PPFIA2: variants seen among roughly 807,000 people sequenced by gnomAD.
The protein encoded by PPFIA2 is liprin-alpha-2.
In PPFIA2, 46 loss-of-function variants were observed where a neutral mutation model predicts 175.5. The ratio of observed to expected loss-of-function variants is 0.26; its 90% CI spans 0.21 to 0.34. PPFIA2 has a LOEUF of 0.34. Among genes scored for constraint, PPFIA2 ranks in the 10% least tolerant of loss-of-function variants. PPFIA2 has a pLI of 1.00. For missense variants in PPFIA2, 1,179 were observed against 1,506.1 expected (o/e 0.78, Z 3.60); for synonymous variants, 568 against 511.4 (o/e 1.11, Z -1.49).
chr12:81,321,533 G>A (rs538946923), intron 22 of PPFIA2, among the ~76,000 whole-genome samples: 2 of 152,092 alleles, frequency 1.3e-5, no homozygotes, highest in East Asian at 3.9e-4. Context: ...ATTATGGGGG[G>A]CTTATACCTG....
intron 3 of PPFIA2, among the ~76,000 whole-genome samples, chr12:81,697,332 T>C (rs2153597148): frequency 6.6e-6 from 1 of 152,218 alleles, no homozygotes; most frequent in East Asian, 1.9e-4. Context: ...TGATACATTA[T>C]TTAAAAACTT....
intron 25 of PPFIA2, 45 bp from the exon 26 acceptor site, chr12:81,283,084 A>G (rs748434402): frequency 6.3e-7 from 1 of 1,589,048 alleles, no homozygotes; most frequent in South Asian, 1.1e-5. Context: ...GTAAATATAA[A>G]TTAATTTCAA....
At chr12:81,400,534 T>C (rs555709501) in intron 8 of PPFIA2, among the ~76,000 whole-genome samples, 9 of 152,300 alleles carry the variant, frequency 5.9e-5, no homozygotes, top group African/African-American at 1.9e-4. Flanking sequence ...TTTTTGTCCA[T>C]AATTCTTCTA....
intron 22 of PPFIA2, among the ~76,000 whole-genome samples, chr12:81,317,129 C>A (rs1329759059): frequency 6.6e-6 from 1 of 151,384 alleles, no homozygotes; most frequent in Non-Finnish European, 1.5e-5. Context: ...TAGATAATGT[C>A]ATTAGCATGC....
In PPFIA2 at chr12:81,597,837, AT is replaced by A. The variant is rs2059409742; in HGVS notation, c.303+78953del. The stretch of plus-strand genomic sequence containing the variant: ...GACATGCACATTATTCATTCCATAC[AT>A]TTTCTTCAATACTTCCAACCTTTTT... On this transcript the variant is annotated intron_variant, in intron 4 of 32. Transcript: ENST00000549396. 1.8e-5 allele frequency: 19 copies of A among 1,062,144 alleles called. 1 individual carries two copies. The South Asian group carries it at 2.8e-4, about 16-fold the overall frequency. The allele number at this position is 1,062,144 out of a possible 1,614,324, so 65.8% of individuals were successfully genotyped here. A position where few individuals can be genotyped will look rare whatever the true frequency, so the allele number is the denominator to read the frequency against.
At chr12:81,506,191 T>C (rs976871442) in intron 4 of PPFIA2, 6 of 152,204 alleles carry the variant, frequency 3.9e-5, no homozygotes, top group Admixed American at 6.5e-5. Context: ...TTTGTACTCA[T>C]ATTTCTACAA....
At chr12:81,709,492 TAC>T (rs148074685) in intron 3 of PPFIA2, among the ~76,000 whole-genome samples, 2 of 151,116 alleles carry the variant, frequency 1.3e-5, no homozygotes, top group Admixed American at 6.6e-5. Context: ...AAATGGTTGG[TAC>T]ACACACACAC....
intron 22 of PPFIA2, among the ~76,000 whole-genome samples, chr12:81,306,678 T>C (rs947074601): frequency 6.6e-6 from 1 of 151,648 alleles, no homozygotes; most frequent in African/African-American, 2.4e-5. Flanking sequence ...GTAGCTGTGA[T>C]TATAGGCACG....
At chr12:81,300,101 T>A (rs1014787005) in intron 22 of PPFIA2, among the ~76,000 whole-genome samples, 5 of 152,172 alleles carry the variant, frequency 3.3e-5, no homozygotes, top group Admixed American at 2.6e-4. Context: ...GCAAAAGAAC[T>A]CTGAAAAATG....
chr12:81,683,541 C>T (rs1049281005), intron 3 of PPFIA2, among the ~76,000 whole-genome samples: 1 of 152,040 alleles, frequency 6.6e-6, no homozygotes, highest in African/African-American at 2.4e-5. Context: ...CTATGCTCTG[C>T]CATGCCCTGT....
At chr12:81,728,204 T>C (rs1337896847) in intron 3 of PPFIA2, among the ~76,000 whole-genome samples, 1 of 151,450 alleles carries the variant, frequency 6.6e-6, no homozygotes, top group African/African-American at 2.4e-5. Flanking sequence ...TTTTGGTTGT[T>C]TGTTGTTTGT....
chr12:81,364,723 G>A (rs1169856128), intron 14 of PPFIA2, among the ~76,000 whole-genome samples: 1 of 151,828 alleles, frequency 6.6e-6, no homozygotes, highest in African/African-American at 2.4e-5. Flanking sequence ...GTTTGGACAA[G>A]AATGGTGTTA....
intron 19 of PPFIA2, among the ~76,000 whole-genome samples, chr12:81,344,259 C>G (rs559281542): frequency 6.6e-6 from 1 of 151,988 alleles, no homozygotes; most frequent in East Asian, 1.9e-4. Context: ...TGACAGCTTT[C>G]TCCCAATCTG....
At chr12:81,670,143 C>T (rs2071138828) in intron 4 of PPFIA2, among the ~76,000 whole-genome samples, 1 of 151,848 alleles carries the variant, frequency 6.6e-6, no homozygotes, top group Non-Finnish European at 1.5e-5. Flanking sequence ...CAATTTTTAA[C>T]TTGTTATGTT....
chr12:81,691,912 G>C (rs1257913217), intron 3 of PPFIA2, among the ~76,000 whole-genome samples: 2 of 151,944 alleles, frequency 1.3e-5, no homozygotes, highest in African/African-American at 2.4e-5. Context: ...CTCTAAAATG[G>C]TTCCTAGTGA....
At chr12:81,712,839 G>A (rs775599966) in intron 3 of PPFIA2, among the ~76,000 whole-genome samples, 1 of 149,572 alleles carries the variant, frequency 6.7e-6, no homozygotes, top group Non-Finnish European at 1.5e-5. Flanking sequence ...CTGCCACCTC[G>A]TCAGTTCTCA....
At chr12:81,621,794 T>C (rs866464541) in intron 4 of PPFIA2, among the ~76,000 whole-genome samples, 2 of 152,144 alleles carry the variant, frequency 1.3e-5, no homozygotes, top group African/African-American at 4.8e-5. Context: ...CAGAACTCAA[T>C]TGTCAACATG....
intron 22 of PPFIA2, among the ~76,000 whole-genome samples, chr12:81,302,392 T>C (rs1185777344): frequency 6.6e-6 from 1 of 152,170 alleles, no homozygotes; most frequent in Non-Finnish European, 1.5e-5. Context: ...AACAGAAGTA[T>C]TGATAACACA....
chr12:81,412,886 T>G (rs1302989690), intron 7 of PPFIA2, among the ~76,000 whole-genome samples: 1 of 151,948 alleles, frequency 6.6e-6, no homozygotes, highest in Non-Finnish European at 1.5e-5. Context: ...TCATATTGCG[T>G]GCTCTAGCTT....
Sources: gnomAD v4.1 joint callset for allele counts (sites outside exome capture counted in the v4.1 genomes callset) on GRCh38, gnomAD v4.1.1 for gene constraint, MANE v1.5 for transcripts, NCBI Gene and HGNC (gene_info 2026-07-23, HGNC 2026-07-21) for gene names.